MAPK13: variants seen among roughly 807,000 people sequenced by gnomAD.
MAPK13 encodes the protein mitogen-activated protein kinase 13.
In MAPK13, 39 loss-of-function variants were observed where a neutral mutation model predicts 53.5. That is an observed-to-expected ratio of 0.73 (90% CI 0.56 to 0.95). The LOEUF is 0.95. MAPK13 is among the 40% of genes least tolerant of loss of function. The probability of loss-of-function intolerance (pLI) is 0.00; values close to 1 mark genes in which losing one functional copy is unlikely to be tolerated. For synonymous variants in MAPK13, 179 were observed against 190.9 expected, an observed-to-expected ratio of 0.94 and a Z score of 0.51; for missense variants, 460 against 471.8, an observed-to-expected ratio of 0.98 and a Z score of 0.23.
chr6:36,132,070 A>G (rs1271206845), intron 2 of MAPK13, among the ~76,000 whole-genome samples: 1 of 152,224 alleles, frequency 6.6e-6, no homozygotes, highest in Non-Finnish European at 1.5e-5. Context: ...AGACATTTCA[A>G]AGAATGATTT....
Position 36,138,370 on chromosome 6 carries a change from G to T in MAPK13, c.688G>T (p.Asp230Tyr). The T allele has an allele frequency of 1.2e-6, 2 of 1,614,022 alleles. No homozygotes were observed. The highest frequency in any genetic ancestry group is 2.2e-5 in the South Asian group (2 of 91,042). The change falls in exon 9 of 12, where the codon GAC becomes TAC. Residue 230 changes from aspartate (D) to tyrosine (Y), a missense_variant. Coordinates refer to ENST00000211287, the MANE Select transcript of MAPK13 (RefSeq NM_002754.5). ...KTLFKGKDYL[D>Y]QLTQILKVTG... Reference sequence around the variant, plus strand: ...AGCCTTAACCTGCCACCAAGACCTGGACCAGCTGACCCAGATCCTGAAAGT... The same window carrying T: ...AGCCTTAACCTGCCACCAAGACCTGTACCAGCTGACCCAGATCCTGAAAGT...
rs1365726224 is a variant in MAPK13 at position 36,136,654 on chromosome 6, A to T, written c.496-2A>T. ...CTTTTCTATTTATCCCCTGTGCCAT[A>T]GATTCTGGATTTTGGGCTGGCGCGA... On this transcript the variant is annotated splice_acceptor_variant, in intron 6 of 11. Transcript: ENST00000211287. LOFTEE classifies it high-confidence loss of function. 8.1e-6 allele frequency: 13 copies of T among 1,613,384 alleles called. No homozygotes were observed. The highest frequency in any genetic ancestry group is 1.1e-5 in the Non-Finnish European group (13 of 1,179,722).
intron 11 of MAPK13, 45 bp from the exon 12 acceptor site, chr6:36,139,249 C>T (rs1457906826): frequency 1.9e-6 from 3 of 1,575,016 alleles, no homozygotes; most frequent in Non-Finnish European, 8.7e-7. Flanking sequence ...GACTTTCTCG[C>T]CACAGCACCT....
In MAPK13 at chr6:36,130,816, C is replaced by T; in HGVS notation, c.119+115C>T. The T allele has an allele frequency of 1.8e-6, 1 of 558,864 alleles. No individual in the cohort carries two copies. The allele number at this position is 558,864 out of a possible 1,614,324, so 34.6% of individuals were successfully genotyped here. On this transcript the variant is annotated intron_variant, in intron 1 of 11. Transcript: ENST00000211287. This position sits in a 1 kb window ranked among gnomAD's most constrained non-coding sequence, Gnocchi z 4.5. ...GCCACCTTGACCGCGGACCTCAAGG[C>T]CCAGCGCCCTCCCCGGGGCCACCCA...
rs752454752 is a variant in MAPK13 at position 36,138,931 on chromosome 6, G to A, written c.894G>A (p.Thr298=). 3.7e-6 allele frequency: 6 copies of A among 1,612,662 alleles called. No homozygotes were observed. Among genetic ancestry groups the A allele is most frequent in the South Asian group, 2.2e-5 (2 of 90,988 alleles). The change falls in exon 11 of 12, where the codon ACG becomes ACA. Residue 298 remains threonine (T), a synonymous_variant. Coordinates refer to ENST00000211287, the MANE Select transcript of MAPK13 (RefSeq NM_002754.5). ...MLELDVDKRL[T]AAQALTHPFF... is the part of the protein sequence containing the mutation. ...AGCTAGACGTGGACAAGCGCCTGAC[G>A]GCCGCGCAGGCCCTCACCCATCCCT...
chr6:36,131,270 G>A lies in MAPK13; in HGVS notation c.120-1G>A. ...CCTGCTGACCGGCCTGTGCCCGACA[G>A]CTCGGCCATCGACAAGCGGTCAGGG... On this transcript the variant is annotated splice_acceptor_variant, in intron 1 of 11. Transcript: ENST00000211287. LOFTEE classifies it high-confidence loss of function. The A allele has an allele frequency of 6.2e-7, 1 of 1,611,996 alleles. No homozygotes were observed. Among genetic ancestry groups the A allele is most frequent in the Non-Finnish European group, 8.5e-7 (1 of 1,178,764 alleles).
Position 36,139,009 on chromosome 6 carries a change from T to C in MAPK13, c.972T>C (p.Phe324=). The C allele has an allele frequency of 6.2e-7, 1 of 1,612,786 alleles. No homozygotes were observed. Among genetic ancestry groups the C allele is most frequent in the South Asian group, 1.1e-5 (1 of 90,942 alleles). Residue 324 remains phenylalanine (F), a synonymous_variant, in exon 11 of 12, where the codon TTT becomes TTC. Transcript: ENST00000211287. Reference sequence around the variant, plus strand: ...AAGAGACGGAGGCCCAGCAGCCGTTTGATGATTCCTTAGAACACGAGAAAC... The same window carrying C: ...AAGAGACGGAGGCCCAGCAGCCGTTCGATGATTCCTTAGAACACGAGAAAC... ...PEEETEAQQP[F]DDSLEHEKLT...
In MAPK13 at chr6:36,130,922, C is replaced by G. The variant is rs1766305623; in HGVS notation, c.119+221C>G. 1.9e-6 allele frequency: 1 copy of G among 520,810 alleles called. No homozygotes were observed. The highest frequency in any genetic ancestry group is 2.5e-5 in the South Asian group (1 of 39,480). The allele number at this position is 520,810 out of a possible 1,614,324, so 32.3% of individuals were successfully genotyped here. On this transcript the variant is annotated intron_variant, in intron 1 of 11. Coordinates refer to ENST00000211287, the MANE Select transcript of MAPK13 (RefSeq NM_002754.5). The surrounding 1 kb of genome is among the most constrained non-coding windows in gnomAD (Gnocchi z 4.5). ...TGGGACTGGGCCTGGTTCTCCAGGA[C>G]TGTACACTTGCAAGACCCCAGAGTT...
intron 2 of MAPK13, 38 bp downstream of exon 2, chr6:36,131,438 C>T (rs1195238752): frequency 6.3e-7 from 1 of 1,586,588 alleles, no homozygotes; most frequent in African/African-American, 1.3e-5. Flanking sequence ...GTGGGGGCTG[C>T]CCTGGGGAGT....
intron 3 of MAPK13, among the ~76,000 whole-genome samples, chr6:36,133,335 G>A (rs1766354952): frequency 6.6e-6 from 1 of 152,196 alleles, no homozygotes; most frequent in South Asian, 2.1e-4. Context: ...CACACTGGCA[G>A]CAGCAAGAAA....
intron 8 of MAPK13, 89 bp downstream of exon 8, chr6:36,137,039 T>C (rs955037521): frequency 8.8e-7 from 1 of 1,134,234 alleles, no homozygotes; most frequent in South Asian, 1.4e-5. Flanking sequence ...TTTTTCTTAA[T>C]GTGAGAGTGA....
In MAPK13 at chr6:36,130,720, T is replaced by TGGGGGGCG. The variant is rs1766300303; in HGVS notation, c.119+25_119+32dup. The TGGGGGGCG allele has an allele frequency of 4.5e-6, 3 of 669,510 alleles. No individual in the cohort carries two copies. The highest frequency in any genetic ancestry group is 3.2e-5 in the Admixed American group (1 of 31,660). The allele number at this position is 669,510 out of a possible 1,614,324, so 41.5% of individuals were successfully genotyped here. ...CCGTGTGGTGAGACCCCTGGGCCGC[T>TGGGGGGCG]GGGGGGCGGGGGGCGGGCGCCAGGC... On this transcript the variant is annotated intron_variant, in intron 1 of 11. Transcript: ENST00000211287. The surrounding 1 kb of genome is among the most constrained non-coding windows in gnomAD (Gnocchi z 4.5).
chr6:36,132,590 G>A (rs1192703384), intron 2 of MAPK13, 31 bp from the exon 3 acceptor site: 1 of 1,610,382 alleles, frequency 6.2e-7, no homozygotes, highest in East Asian at 2.2e-5. Context: ...GGTAGCGTCT[G>A]TCTAGCCCTC....
chr6:36,133,657 A>C (rs1766360756), intron 3 of MAPK13, among the ~76,000 whole-genome samples: 1 of 152,248 alleles, frequency 6.6e-6, no homozygotes, highest in African/African-American at 2.4e-5. Flanking sequence ...GTTTAATCAC[A>C]GTTGCAAATA....
chr6:36,132,252 T>G (rs563159719), intron 2 of MAPK13, among the ~76,000 whole-genome samples: 48 of 152,164 alleles, frequency 3.2e-4, no homozygotes, highest in Non-Finnish European at 6.5e-4. Context: ...AAAAGCTCCT[T>G]CTCTGTTCCC....
At position 36,130,588 on chromosome 6, in the gene MAPK13, C is replaced by A. The variant is rs1485272672; in HGVS notation, c.6C>A (p.Ser2Arg). M[S>R]LIRKKGFYKQ... ...GCCGAGATCGGGTGCCCGGGATGAG[C>A]CTCATCCGGAAAAAGGGCTTCTACA... The change falls in exon 1 of 12, where the codon AGC becomes AGA. Residue 2 changes from serine (S) to arginine (R), a missense_variant. Coordinates refer to ENST00000211287, the MANE Select transcript of MAPK13 (RefSeq NM_002754.5). The surrounding 1 kb of genome is among the most constrained non-coding windows in gnomAD (Gnocchi z 4.5). 1 of 1,554,776 alleles carries A rather than the reference C, an allele frequency of 6.4e-7. No individual in the cohort carries two copies. The highest frequency in any genetic ancestry group is 8.7e-7 in the Non-Finnish European group (1 of 1,146,368).
Position 36,138,761 on chromosome 6 carries a change from C to A in MAPK13, c.822C>A (p.Phe274Leu), listed in dbSNP as rs903363847. ...QTPRKDFTQL[F>L]PRASPQAADL... ...CCAGGAAGGATTTCACTCAGCTGTTCCCACGGGCCAGCCCCCAGGGTGAGT... is the reference window on the plus strand; with the variant it reads ...CCAGGAAGGATTTCACTCAGCTGTTACCACGGGCCAGCCCCCAGGGTGAGT... Residue 274 changes from phenylalanine (F) to leucine (L), a missense_variant, in exon 10 of 12, where the codon TTC becomes TTA. Transcript: ENST00000211287. The A allele has an allele frequency of 6.2e-7, 1 of 1,614,182 alleles. No homozygotes were observed. Among genetic ancestry groups the A allele is most frequent in the African/African-American group, 1.3e-5 (1 of 75,054 alleles).
chr6:36,138,125 C>T (rs867002395), intron 8 of MAPK13, among the ~76,000 whole-genome samples: 1 of 152,094 alleles, frequency 6.6e-6, no homozygotes, highest in Non-Finnish European at 1.5e-5. Flanking sequence ...GGGATGAAGG[C>T]TGAGAAGTCC....
Position 36,136,896 on chromosome 6 carries a change from G to GACA in MAPK13, c.628_629insACA (p.Gly210delinsAspSer). On this transcript the variant is annotated protein_altering_variant, in exon 8 of 12. Coordinates refer to ENST00000211287, the MANE Select transcript of MAPK13 (RefSeq NM_002754.5). ...CTCTGCAGTGGACATCTGGTCTGTG[G>GACA]GCTGTATCATGGCAGAGATGCTGAC... 1 of 1,614,212 alleles carries GACA rather than the reference G, an allele frequency of 6.2e-7. No homozygotes were observed. The highest frequency in any genetic ancestry group is 1.1e-5 in the South Asian group (1 of 91,084).
Sources: gnomAD v4.1 joint callset for allele counts (sites outside exome capture counted in the v4.1 genomes callset) on GRCh38, gnomAD v4.1.1 for gene constraint, Gnocchi (gnomAD v3.1) non-coding constraint, MANE v1.5 for transcripts, NCBI Gene and HGNC (gene_info 2026-07-23, HGNC 2026-07-21) for gene names.